TOM1L2: variants seen among roughly 807,000 people sequenced by gnomAD.
TOM1L2 encodes target of myb1 like 2 membrane trafficking protein.
TOM1L2 carries 31 observed loss-of-function variants against 67.9 expected under a neutral mutation model. The observed-to-expected ratio is 0.46, with a 90% CI of 0.34 to 0.62. The LOEUF is 0.62. Among genes scored for constraint, TOM1L2 ranks in the 20% least tolerant of loss-of-function variants. The probability of loss-of-function intolerance (pLI) is 0.01; values close to 1 mark genes in which losing one functional copy is unlikely to be tolerated. For synonymous variants in TOM1L2, 256 were observed against 254.0 expected (o/e 1.01, Z -0.07); for missense variants, 606 against 663.5 (o/e 0.91, Z 0.95).
At chr17:17,875,215 C>T (rs2037362044) in intron 7 of TOM1L2, among the ~76,000 whole-genome samples, 1 of 149,288 alleles carries the variant, frequency 6.7e-6, no homozygotes, top group South Asian at 2.1e-4. Context: ...AAGATCATGG[C>T]ATTGCACTCC....
Position 17,844,991 on chromosome 17 carries a change from G to A in TOM1L2, c.*2644C>T, listed in dbSNP as rs543641685. The A allele has an allele frequency of 1.3e-5, 2 of 152,606 alleles. No individual in the cohort carries two copies. Among genetic ancestry groups the A allele is most frequent in the South Asian group, 2.1e-4 (1 of 4,832 alleles). The allele number at this position is 152,606 out of a possible 1,614,324, so 9.5% of individuals were successfully genotyped here. A position where few individuals can be genotyped will look rare whatever the true frequency, so the allele number is the denominator to read the frequency against. ...AGAGTCCAGGTTTCCTGACAGAGCC[G>A]CACCCCCTTCCTGGACCAGGCAGCC... is the stretch of plus-strand genomic sequence containing the variant. On this transcript the variant is annotated 3_prime_UTR_variant, in exon 15 of 15. Coordinates refer to ENST00000379504, the MANE Select transcript of TOM1L2 (RefSeq NM_001082968.2).
intron 12 of TOM1L2, among the ~76,000 whole-genome samples, chr17:17,855,072 C>A (rs114777135): frequency 0.013 from 2,027 of 152,272 alleles, 22 homozygotes; most frequent in African/African-American, 0.041. Context: ...TTAGACCAGC[C>A]CTGCCCATTT....
intron 1 of TOM1L2, among the ~76,000 whole-genome samples, chr17:17,962,164 TA>T (rs1369495424): frequency 6.6e-6 from 1 of 152,152 alleles, no homozygotes; most frequent in East Asian, 1.9e-4. Flanking sequence ...ATAATAAATA[TA>T]TGATTCCACT....
chr17:17,865,568 G>A (rs894064191), intron 10 of TOM1L2, among the ~76,000 whole-genome samples: 3 of 151,692 alleles, frequency 2.0e-5, no homozygotes, highest in African/African-American at 7.3e-5. Context: ...TAGTACAGAC[G>A]GGGTTTCACC....
intron 1 of TOM1L2, among the ~76,000 whole-genome samples, chr17:17,950,560 C>T (rs1164132505): frequency 6.6e-6 from 1 of 152,110 alleles, no homozygotes; most frequent in African/African-American, 2.4e-5. Flanking sequence ...GTCGCTGTTC[C>T]AATACTTTGT....
chr17:17,944,344 G>A (rs2040855952), intron 1 of TOM1L2, among the ~76,000 whole-genome samples: 1 of 152,346 alleles, frequency 6.6e-6, no homozygotes. Context: ...TGCCCTTCAT[G>A]AGTCTGTAAG....
chr17:17,969,872 T>G (rs1241270329), intron 1 of TOM1L2, among the ~76,000 whole-genome samples: 2 of 152,106 alleles, frequency 1.3e-5, no homozygotes. Context: ...TCTCTCTCTC[T>G]CTCTCTCTCA....
chr17:17,914,624 T>G (rs547721611), intron 1 of TOM1L2, among the ~76,000 whole-genome samples: 5 of 152,320 alleles, frequency 3.3e-5, no homozygotes, highest in African/African-American at 1.2e-4. Context: ...AAATACTGCT[T>G]CTGTAACTGC....
At chr17:17,871,646 G>A (rs1040187905) in intron 7 of TOM1L2, among the ~76,000 whole-genome samples, 1 of 152,160 alleles carries the variant, frequency 6.6e-6, no homozygotes, top group Non-Finnish European at 1.5e-5. Context: ...ACTCCAGCCT[G>A]GGGAACAGAG....
At chr17:17,880,395 C>CT (rs1402154155) in intron 6 of TOM1L2, among the ~76,000 whole-genome samples, 1 of 152,244 alleles carries the variant, frequency 6.6e-6, no homozygotes, top group Admixed American at 6.5e-5. Flanking sequence ...AAGCCTGGAC[C>CT]TGGGCCAAGG....
At chr17:17,858,979 G>T (rs565688809) in intron 12 of TOM1L2, 2 of 151,000 alleles carry the variant, frequency 1.3e-5, no homozygotes, top group African/African-American at 4.9e-5. Context: ...GATTACAGGC[G>T]TGAGCCACTG....
chr17:17,970,632 A>C (rs754922403), intron 1 of TOM1L2, among the ~76,000 whole-genome samples: 1 of 152,186 alleles, frequency 6.6e-6, no homozygotes, highest in Non-Finnish European at 1.5e-5. Context: ...CAAGATGTCA[A>C]AAAGGTGGGA....
At chr17:17,856,749 G>A (rs747165786) in intron 12 of TOM1L2, among the ~76,000 whole-genome samples, 2 of 152,228 alleles carry the variant, frequency 1.3e-5, no homozygotes, top group Non-Finnish European at 1.5e-5. Flanking sequence ...GGCTCTGCTA[G>A]AGGTGAAATG....
At chr17:17,865,374 G>A (rs963041356) in intron 10 of TOM1L2, among the ~76,000 whole-genome samples, 6 of 152,130 alleles carry the variant, frequency 3.9e-5, no homozygotes, top group African/African-American at 1.4e-4. Context: ...TGCCCTCCTT[G>A]ACCTAGTTAA....
chr17:17,956,696 C>T (rs2144969556), intron 1 of TOM1L2, among the ~76,000 whole-genome samples: 1 of 152,338 alleles, frequency 6.6e-6, no homozygotes, highest in Non-Finnish European at 1.5e-5. Context: ...GCCGGCACTG[C>T]TGGGGGAATG....
chr17:17,912,870 T>C (rs199625924), intron 1 of TOM1L2, among the ~76,000 whole-genome samples: 3,761 of 152,146 alleles, frequency 0.025, 128 homozygotes, highest in African/African-American at 0.079. Flanking sequence ...GCCGAGATCA[T>C]GCCACTGCAC....
chr17:17,871,887 TA>T, intron 7 of TOM1L2: 2 of 782,770 alleles, frequency 2.6e-6, no homozygotes, highest in South Asian at 1.1e-4. Context: ...GTGCTAGAAT[TA>T]ATAAGAGGTG....
intron 1 of TOM1L2, among the ~76,000 whole-genome samples, chr17:17,925,160 A>G (rs1020795968): frequency 6.6e-6 from 1 of 152,210 alleles, no homozygotes; most frequent in African/African-American, 2.4e-5. Flanking sequence ...TACAGCCTGC[A>G]AAACCATGAG....
At chr17:17,848,991 CCT>C (rs1337722923) in intron 13 of TOM1L2, 132 bp from the exon 14 acceptor site, 5 of 729,260 alleles carry the variant, frequency 6.9e-6, no homozygotes, top group South Asian at 1.8e-5. Flanking sequence ...CCTAATTTTC[CCT>C]GTTTCCAGAT....
Sources: gnomAD v4.1 joint callset for allele counts (sites outside exome capture counted in the v4.1 genomes callset) on GRCh38, gnomAD v4.1.1 for gene constraint, MANE v1.5 for transcripts, NCBI Gene and HGNC (gene_info 2026-07-23, HGNC 2026-07-21) for gene names.